The following PPP2R3A variants were observed in gnomAD, a reference collection of about 807,000 sequenced individuals.
PPP2R3A encodes serine/threonine-protein phosphatase 2A regulatory subunit B'' subunit alpha.
PPP2R3A carries 80 observed loss-of-function variants against 106.9 expected under a neutral mutation model. The observed-to-expected ratio is 0.75, with a 90% CI of 0.62 to 0.90. The LOEUF (loss-of-function observed/expected upper bound fraction) is 0.90, where lower values mean the gene tolerates loss of function less well. Among genes scored for constraint, PPP2R3A ranks in the 40% least tolerant of loss-of-function variants. PPP2R3A has a pLI of 0.00. For missense variants in PPP2R3A, 1,386 were observed against 1,350.4 expected, an observed-to-expected ratio of 1.03 and a Z score of -0.41; for synonymous variants, 483 against 468.3, an observed-to-expected ratio of 1.03 and a Z score of -0.41.
At chr3:136,085,564 T>C (rs1936906102) in intron 8 of PPP2R3A, among the ~76,000 whole-genome samples, 1 of 151,776 alleles carries the variant, frequency 6.6e-6, no homozygotes, top group African/African-American at 2.4e-5. Context: ...ACAGGCATGA[T>C]CCACCACACC....
chr3:136,123,798 T>C (rs1938084722), intron 13 of PPP2R3A, among the ~76,000 whole-genome samples: 1 of 152,256 alleles, frequency 6.6e-6, no homozygotes, highest in Non-Finnish European at 1.5e-5. Flanking sequence ...AAGTCAACAA[T>C]TACAGTTGGA....
chr3:136,039,206 A>T (rs1383093133), intron 3 of PPP2R3A, among the ~76,000 whole-genome samples: 1 of 152,174 alleles, frequency 6.6e-6, no homozygotes, highest in Non-Finnish European at 1.5e-5. Context: ...GTCTTCCTCT[A>T]GAGGAGAGGC....
intron 1 of PPP2R3A, among the ~76,000 whole-genome samples, chr3:135,969,965 T>C (rs1474620723): frequency 6.6e-6 from 1 of 152,230 alleles, no homozygotes; most frequent in East Asian, 1.9e-4. Flanking sequence ...TTTCTCTGAC[T>C]GTAGGCTTTT....
At chr3:136,012,934 A>T (rs897328851) in intron 2 of PPP2R3A, among the ~76,000 whole-genome samples, 5 of 152,096 alleles carry the variant, frequency 3.3e-5, no homozygotes, top group Non-Finnish European at 7.4e-5. Context: ...ATAGTCTTTT[A>T]TCCCTCACCC....
intron 1 of PPP2R3A, among the ~76,000 whole-genome samples, chr3:135,985,970 A>G (rs1405697457): frequency 6.6e-6 from 1 of 152,200 alleles, no homozygotes; most frequent in Non-Finnish European, 1.5e-5. Flanking sequence ...AGTAGGCAGT[A>G]GAGTCTGATG....
intron 5 of PPP2R3A, among the ~76,000 whole-genome samples, chr3:136,067,994 G>A (rs1007179523): frequency 3.9e-5 from 6 of 152,202 alleles, no homozygotes; most frequent in African/African-American, 1.4e-4. Context: ...GGAGGCGAAG[G>A]CAGGCAGATC....
intron 1 of PPP2R3A, 54 bp downstream of exon 1, chr3:135,965,903 G>A (rs554134991): frequency 3.3e-5 from 5 of 152,386 alleles, no homozygotes; most frequent in East Asian, 2.0e-4. Context: ...CCCTCGTCCC[G>A]GCCCGAGGGG....
At chr3:136,071,553 T>C (rs1280509530) in intron 6 of PPP2R3A, among the ~76,000 whole-genome samples, 1 of 152,216 alleles carries the variant, frequency 6.6e-6, no homozygotes, top group African/African-American at 2.4e-5. Context: ...GTCGCCCTGA[T>C]ATCAAACTTG....
chr3:136,124,629 GA>G (rs1233661730), intron 13 of PPP2R3A, among the ~76,000 whole-genome samples: 1 of 151,120 alleles, frequency 6.6e-6, no homozygotes, highest in Non-Finnish European at 1.5e-5. Context: ...ACCAAAAATA[GA>G]AAAAAGGATA....
chr3:136,007,729 T>G (rs1163612802), intron 2 of PPP2R3A, among the ~76,000 whole-genome samples: 1 of 152,254 alleles, frequency 6.6e-6, no homozygotes, highest in Non-Finnish European at 1.5e-5. Context: ...TTTGAAAATT[T>G]TGTAACAATT....
At chr3:136,022,873 T>A (rs1934513422) in intron 2 of PPP2R3A, 6 of 1,372,192 alleles carry the variant, frequency 4.4e-6, no homozygotes, top group Non-Finnish European at 5.6e-6. Flanking sequence ...CAGACTGTAT[T>A]TGGGAACCAG....
chr3:136,001,745 G>T lies in PPP2R3A; in HGVS notation c.247G>T (p.Glu83Ter). 2 of 1,614,152 alleles carry T rather than the reference G, an allele frequency of 1.2e-6. No homozygotes were observed. Among genetic ancestry groups the T allele is most frequent in the Non-Finnish European group, 1.7e-6 (2 of 1,180,026 alleles). ...LPHENGLSSA[E>*]GDYPQQAFTG... ...CCATGAAAATGGGCTTTCTTCGGCT[G>T]AAGGAGACTATCCCCAACAGGCCTT... The change falls in exon 2 of 14, where the codon GAA (glutamate) becomes TAA (stop). Residue 83 changes from glutamate (E) to a stop codon, truncating the protein, a stop_gained. Coordinates refer to ENST00000264977, the MANE Select transcript of PPP2R3A (RefSeq NM_002718.5). LOFTEE classifies it high-confidence loss of function.
Position 136,001,375 on chromosome 3 carries a change from A to G in PPP2R3A, c.-124A>G. On this transcript the variant is annotated 5_prime_UTR_variant, in exon 2 of 14. Transcript: ENST00000264977. ...GTTTCCCTTCATGGGAAAAGCCATT[A>G]TATTTGGAAGAAACCACTGAACATT... 1 of 848,150 alleles carries G rather than the reference A, an allele frequency of 1.2e-6. No homozygotes were observed. The highest frequency in any genetic ancestry group is 1.8e-5 in the South Asian group (1 of 56,154). 52.5% of individuals were successfully genotyped at this position (848,150 alleles called of 1,614,324 possible). A position where few individuals can be genotyped will look rare whatever the true frequency, so the allele number is the denominator to read the frequency against.
chr3:136,013,009 A>G (rs1177246296), intron 2 of PPP2R3A, among the ~76,000 whole-genome samples: 1 of 152,084 alleles, frequency 6.6e-6, no homozygotes. Flanking sequence ...TTGCATCCTC[A>G]TAGCTTAGCT....
intron 2 of PPP2R3A, among the ~76,000 whole-genome samples, chr3:136,014,113 A>G (rs1195025134): frequency 1.3e-5 from 2 of 151,696 alleles, no homozygotes; most frequent in East Asian, 3.9e-4. Context: ...TCCCCACTTT[A>G]TGTTTTTATT....
At chr3:136,082,789 T>G (rs1453474724) in intron 8 of PPP2R3A, among the ~76,000 whole-genome samples, 3 of 152,220 alleles carry the variant, frequency 2.0e-5, no homozygotes, top group African/African-American at 7.2e-5. Flanking sequence ...ACAATATTTC[T>G]GTAAAAAGCC....
rs371167953 is a variant in PPP2R3A at position 136,054,318 on chromosome 3, G to A, written c.2469+4957G>A. On this transcript the variant is annotated intron_variant, in intron 5 of 13. Coordinates refer to ENST00000264977, the MANE Select transcript of PPP2R3A (RefSeq NM_002718.5). ...CCTGTCGCCAGGCTGGAGTGCAGTG[G>A]CACGATCTTGGCTCACTGCAACCTC... Among the ~76,000 whole-genome samples the A allele has an allele frequency of 4.8e-5, 7 of 144,934 alleles. No homozygotes were observed. In the East Asian group the frequency reaches 6.0e-4, roughly 12 times the overall value.
intron 4 of PPP2R3A, among the ~76,000 whole-genome samples, chr3:136,045,065 G>A (rs577116215): frequency 7.9e-4 from 120 of 152,324 alleles, no homozygotes; most frequent in African/African-American, 2.8e-3. Flanking sequence ...TTGACTGCCA[G>A]ACCTGGAGAG....
chr3:136,039,576 G>A (rs545975549), intron 3 of PPP2R3A, among the ~76,000 whole-genome samples: 86 of 152,122 alleles, frequency 5.7e-4, no homozygotes, highest in African/African-American at 1.9e-3. Context: ...CACAGTTCAC[G>A]ATAGGGTTCA....
Sources: gnomAD v4.1 joint callset for allele counts (sites outside exome capture counted in the v4.1 genomes callset) on GRCh38, gnomAD v4.1.1 for gene constraint, MANE v1.5 for transcripts, NCBI Gene and HGNC (gene_info 2026-07-23, HGNC 2026-07-21) for gene names.